Variants in RPL12 observed in about 807,000 individuals in gnomAD.
RPL12 encodes ribosomal protein L12.
In RPL12, 10 loss-of-function variants were observed where a neutral mutation model predicts 24.5. The ratio of observed to expected loss-of-function variants is 0.41; its 90% CI spans 0.25 to 0.69. The LOEUF (loss-of-function observed/expected upper bound fraction) is 0.69, where lower values mean the gene tolerates loss of function less well. RPL12 is among the 30% of genes least tolerant of loss of function. The probability of loss-of-function intolerance (pLI) is 0.33; values close to 1 mark genes in which losing one functional copy is unlikely to be tolerated. For missense variants in RPL12, 137 were observed against 205.3 expected (o/e 0.67, Z 2.03); for synonymous variants, 74 against 76.1 (o/e 0.97, Z 0.14).
chr9:127,448,462 G>A, intron 4 of RPL12, 39 bp from the exon 5 acceptor site: 4 of 1,346,592 alleles, frequency 3.0e-6, no homozygotes, highest in Non-Finnish European at 4.3e-6. Flanking sequence ...TTTAAAGTCT[G>A]AAGCCAAAGC....
At chr9:127,449,729 TCAACATGGTGTCCAGA>T (rs746762801) in intron 2 of RPL12, 21 bp from the exon 3 acceptor site, 1 of 1,585,658 alleles carries the variant, frequency 6.3e-7, no homozygotes, top group South Asian at 1.1e-5. Context: ...AGGCATGTAA[TCAACATGGTGTCCAGA>T]GGTGAACCAC....
At position 127,450,789 on chromosome 9, in the gene RPL12, G is replaced by C. The variant is rs1834283593; in HGVS notation, c.53C>G (p.Thr18Ser). Residue 18 changes from threonine to serine, a missense_variant, in exon 2 of 7, where the codon ACC becomes AGC. By Grantham distance (58) the Thr-to-Ser change is moderately conservative. This residue lies in a region of RPL12 where 18 missense variants were observed against 27.1 expected (regional missense o/e 0.67). Coordinates refer to ENST00000361436, the MANE Select transcript of RPL12 (RefSeq NM_000976.4). ...AGAAGTGGCACCGACTTCACCTCCG[G>C]TGCACCTCAGGTATACTGGGGGAAA... ...NEIKVVYLRC[T>S]GGEVGATSAL... The C allele has an allele frequency of 6.3e-7, 1 of 1,575,566 alleles. No individual in the cohort carries two copies. Among genetic ancestry groups the C allele is most frequent in the Non-Finnish European group, 8.6e-7 (1 of 1,162,212 alleles).
chr9:127,448,197 AT>A, intron 5 of RPL12, 139 bp downstream of exon 5: 2 of 973,130 alleles, frequency 2.1e-6, no homozygotes, highest in Non-Finnish European at 3.2e-6. Context: ...AACACATCCA[AT>A]TTACGATCCA....
In RPL12 at chr9:127,447,676, C is replaced by G; in HGVS notation, c.*45G>C. 1 of 1,612,468 alleles carries G rather than the reference C, an allele frequency of 6.2e-7. No individual in the cohort carries two copies. Among genetic ancestry groups the G allele is most frequent in the Non-Finnish European group, 8.5e-7 (1 of 1,179,172 alleles). On this transcript the variant is annotated 3_prime_UTR_variant, in exon 7 of 7. Coordinates refer to ENST00000361436, the MANE Select transcript of RPL12 (RefSeq NM_000976.4). ...AAGGAAGACGCCACACCAGAAAATCCACCAGTTGTCAAATGATCCTTTATT... is the reference window on the plus strand; with the variant it reads ...AAGGAAGACGCCACACCAGAAAATCGACCAGTTGTCAAATGATCCTTTATT...
At position 127,448,136 on chromosome 9, in the gene RPL12, G is replaced by T. The variant is rs568775137; in HGVS notation, c.380-147C>A. On this transcript the variant is annotated intron_variant, in intron 5 of 6. Transcript: ENST00000361436. ...AATATAGAATATAGAGTTCCATCTA[G>T]TTCCATAACCCGGAATGCAAAGCTT... 30 of 1,146,672 alleles carry T rather than the reference G, an allele frequency of 2.6e-5. No individual in the cohort carries two copies. The African/African-American group carries it at 4.7e-4, about 18-fold the overall frequency. 71.0% of individuals were successfully genotyped at this position (1,146,672 alleles called of 1,614,324 possible).
At chr9:127,449,524 G>C (rs985874529) in intron 3 of RPL12, 86 bp downstream of exon 3, 6 of 1,374,012 alleles carry the variant, frequency 4.4e-6, no homozygotes, top group Non-Finnish European at 5.1e-6. Context: ...GCTCACCACT[G>C]GTGGCAGAAA....
chr9:127,449,482 A>G, intron 3 of RPL12, 120 bp from the exon 4 acceptor site: 1 of 1,300,632 alleles, frequency 7.7e-7, no homozygotes, highest in African/African-American at 1.5e-5. Flanking sequence ...TACTCTTGAC[A>G]AAGCCTCCCC....
At chr9:127,448,869 C>A (rs919284711) in intron 4 of RPL12, among the ~76,000 whole-genome samples, 2 of 149,876 alleles carry the variant, frequency 1.3e-5, no homozygotes, top group Admixed American at 1.3e-4. Context: ...CTCACTGTTA[C>A]CCAGGCTGGA....
At chr9:127,448,485 CTTCAT>C in intron 4 of RPL12, 62 bp from the exon 5 acceptor site, 1 of 1,066,414 alleles carries the variant, frequency 9.4e-7, no homozygotes, top group South Asian at 1.2e-5. Flanking sequence ...ATCATGTGTC[CTTCAT>C]TTCATTTCTA....
Position 127,451,393 on chromosome 9 carries a change from C to T in RPL12, c.-76G>A, listed in dbSNP as rs770311376. Reference sequence around the variant, plus strand: ...AGTTGCACCTTGGCCTCCTCCGAGCCGAAAGCCGAGAGGCCGGAAATCGCG... The same window carrying T: ...AGTTGCACCTTGGCCTCCTCCGAGCTGAAAGCCGAGAGGCCGGAAATCGCG... On this transcript the variant is annotated 5_prime_UTR_variant, in exon 1 of 7. Transcript: ENST00000361436. 8.2e-6 allele frequency: 13 copies of T among 1,586,472 alleles called. No individual in the cohort carries two copies. Among genetic ancestry groups the T allele is most frequent in the Non-Finnish European group, 1.1e-5 (13 of 1,162,798 alleles).
At chr9:127,448,279 ATCAC>A in intron 5 of RPL12, 54 bp downstream of exon 5, 1 of 1,345,146 alleles carries the variant, frequency 7.4e-7, no homozygotes, top group Non-Finnish European at 1.1e-6. Context: ...GAAGAATGTT[ATCAC>A]TCAGTGAAAA....
rs1483920953 is a variant in RPL12, at chr9:127,448,276, G to C, written c.379+61C>G. 3 of 1,333,962 alleles carry C rather than the reference G, an allele frequency of 2.2e-6. No homozygotes were observed. The East Asian group carries it at 6.9e-5, about 31-fold the overall frequency. The allele number at this position is 1,333,962 out of a possible 1,614,324, so 82.6% of individuals were successfully genotyped here. On this transcript the variant is annotated intron_variant, in intron 5 of 6. Transcript: ENST00000361436. ...TGAGCACCCTTCAAGTAAGAAGAAT[G>C]TTATCACTCAGTGAAAAACACAACT...
In RPL12 at chr9:127,447,677, A is replaced by G; in HGVS notation, c.*44T>C. The G allele has an allele frequency of 3.1e-6, 5 of 1,612,304 alleles. No homozygotes were observed. Among genetic ancestry groups the G allele is most frequent in the Non-Finnish European group, 4.2e-6 (5 of 1,179,072 alleles). On this transcript the variant is annotated 3_prime_UTR_variant, in exon 7 of 7. Transcript: ENST00000361436. Reference sequence around the variant, plus strand: ...AGGAAGACGCCACACCAGAAAATCCACCAGTTGTCAAATGATCCTTTATTG... The same window carrying G: ...AGGAAGACGCCACACCAGAAAATCCGCCAGTTGTCAAATGATCCTTTATTG...
intron 1 of RPL12, 169 bp from the exon 2 acceptor site, chr9:127,450,973 A>G: frequency 1.5e-6 from 1 of 652,456 alleles, no homozygotes; most frequent in Non-Finnish European, 2.6e-6. Flanking sequence ...CGAAACTCAC[A>G]CCGGGGAGGC....
intron 6 of RPL12, 60 bp downstream of exon 6, chr9:127,447,817 T>G: frequency 6.2e-7 from 1 of 1,612,096 alleles, no homozygotes; most frequent in Non-Finnish European, 8.5e-7. Flanking sequence ...AGCTTATCTC[T>G]GTGAATACAC....
At position 127,447,867 on chromosome 9, in the gene RPL12, T is replaced by C. The variant is rs1834199624; in HGVS notation, c.492+10A>G. 1.2e-6 allele frequency: 2 copies of C among 1,610,576 alleles called. No individual in the cohort carries two copies. The highest frequency in any genetic ancestry group is 8.5e-7 in the Non-Finnish European group (1 of 1,178,532). ...TTCACCCCTACTGTAACAATGAAAA[T>C]GTCACTTACGGCTGGGCATTCCACA... On this transcript the variant is annotated intron_variant, in intron 6 of 6. Coordinates refer to ENST00000361436, the MANE Select transcript of RPL12 (RefSeq NM_000976.4).
intron 4 of RPL12, chr9:127,448,966 G>C (rs1321005520): frequency 5.8e-6 from 2 of 343,448 alleles, no homozygotes; most frequent in Non-Finnish European, 5.6e-6. Context: ...TGAGTAGCCA[G>C]GTCTACAGGC....
At chr9:127,448,883 C>T (rs1346824946) in intron 4 of RPL12, among the ~76,000 whole-genome samples, 2 of 150,284 alleles carry the variant, frequency 1.3e-5, no homozygotes, top group African/African-American at 2.5e-5. Flanking sequence ...GGCTGGAGTG[C>T]AGTGGCACAA....
chr9:127,449,436 T>C, intron 3 of RPL12, 74 bp from the exon 4 acceptor site: 3 of 1,437,558 alleles, frequency 2.1e-6, no homozygotes, highest in East Asian at 2.3e-5. Flanking sequence ...TCAAAAATCA[T>C]GGCCACACAC....
Sources: gnomAD v4.1 joint callset for allele counts (sites outside exome capture counted in the v4.1 genomes callset) on GRCh38, gnomAD v4.1.1 for gene constraint, gnomAD v4.1.1 regional missense constraint, MANE v1.5 for transcripts, NCBI Gene and HGNC (gene_info 2026-07-23, HGNC 2026-07-21) for gene names.